Variants in SMAD6 observed in about 807,000 individuals in gnomAD.
SMAD6 encodes the protein SMAD family member 6.
SMAD6 carries 103 observed loss-of-function variants against 39.4 expected under a neutral mutation model. The observed-to-expected ratio is 2.62, with a 90% confidence interval of 2.23 to 3.08. The LOEUF is 3.08. SMAD6 is among the 30% of genes most tolerant of loss of function. The pLI is 0.00. For missense variants in SMAD6, 1,104 were observed against 742.9 expected (o/e 1.49, Z -5.65); for synonymous variants, 445 against 353.3 (o/e 1.26, Z -2.91).
In SMAD6 at chr15:66,747,821, G is replaced by T. The variant is rs16950189; in HGVS notation, c.952+31323G>T. 7.5e-3 allele frequency among the ~76,000 whole-genome samples: 1,144 copies of T among 152,242 alleles called. 25 individuals carry two copies. The East Asian group carries it at 0.077, about 10-fold the overall frequency. On this transcript the variant is annotated intron_variant, in intron 3 of 3. Transcript: ENST00000288840. The surrounding 1 kb of genome is among the most constrained non-coding windows in gnomAD (Gnocchi z 4.5). ...TTACTTATGCTCTGGCCACCATTTC[G>T]TCAGGACTGACAGCAGCCATCTGTC...
At chr15:66,742,989 G>A (rs779583475) in intron 3 of SMAD6, among the ~76,000 whole-genome samples, 7 of 152,088 alleles carry the variant, frequency 4.6e-5, no homozygotes, top group Non-Finnish European at 8.8e-5. Flanking sequence ...GTGGTGGTCC[G>A]TGCCCTGACC....
intron 3 of SMAD6, among the ~76,000 whole-genome samples, chr15:66,739,790 T>A (rs1893780762): frequency 6.6e-6 from 1 of 152,196 alleles, no homozygotes; most frequent in African/African-American, 2.4e-5. Context: ...GTATTCTGTT[T>A]AAATTAAAAG....
At chr15:66,721,510 G>A (rs1160806487) in intron 3 of SMAD6, among the ~76,000 whole-genome samples, 1 of 152,238 alleles carries the variant, frequency 6.6e-6, no homozygotes, top group Non-Finnish European at 1.5e-5. Flanking sequence ...AAGAGCATGG[G>A]CTCTGCACCA....
At chr15:66,748,786 C>A (rs143245891) in intron 3 of SMAD6, among the ~76,000 whole-genome samples, 51 of 152,168 alleles carry the variant, frequency 3.4e-4, no homozygotes, top group Middle Eastern at 3.4e-3. Context: ...GGAGACTCGA[C>A]GGGAGTTTCC....
Position 66,703,291 on chromosome 15 carries a change from GCGA to G in SMAD6, c.35_37del (p.Arg12del). 2.0e-6 allele frequency: 3 copies of G among 1,491,186 alleles called. No individual in the cohort carries two copies. Among genetic ancestry groups the G allele is most frequent in the Non-Finnish European group, 2.7e-6 (3 of 1,120,116 alleles). The allele number at this position is 1,491,186 out of a possible 1,614,324, so 92.4% of individuals were successfully genotyped here. A position where few individuals can be genotyped will look rare whatever the true frequency, so the allele number is the denominator to read the frequency against. ...GGTCCAAACGCTCGGGGCTGGTGCG[GCGA>G]CTTTGGCGAAGTCGTGTGGTCCCCG... is the stretch of plus-strand genomic sequence containing the variant. On this transcript the variant is annotated inframe_deletion, in exon 1 of 4. Coordinates refer to ENST00000288840, the MANE Select transcript of SMAD6 (RefSeq NM_005585.5).
chr15:66,718,460 A>G (rs997205846), intron 3 of SMAD6, among the ~76,000 whole-genome samples: 1 of 152,202 alleles, frequency 6.6e-6, no homozygotes, highest in African/African-American at 2.4e-5. Flanking sequence ...ACTGTGTTGG[A>G]AAATGTGTCC....
At chr15:66,705,795 G>A (rs1313086322) in intron 1 of SMAD6, 3 of 152,862 alleles carry the variant, frequency 2.0e-5, no homozygotes, top group Non-Finnish European at 4.4e-5. Context: ...GAAGGGAAGT[G>A]TGCAGGGCCA....
rs762926659 is a variant in SMAD6 at position 66,781,555 on chromosome 15, G to A, written c.*20G>A. ...AGATAGTGGCGGCCCCGGCGGGAGGGGCGGGTGGGAGGCCGCGGCCACCGC... is the reference window on the plus strand; with the variant it reads ...AGATAGTGGCGGCCCCGGCGGGAGGAGCGGGTGGGAGGCCGCGGCCACCGC... On this transcript the variant is annotated 3_prime_UTR_variant, in exon 4 of 4. Coordinates refer to ENST00000288840, the MANE Select transcript of SMAD6 (RefSeq NM_005585.5). The A allele has an allele frequency of 3.4e-6, 5 of 1,482,208 alleles. No homozygotes were observed. Among genetic ancestry groups the A allele is most frequent in the Non-Finnish European group, 4.5e-6 (5 of 1,123,268 alleles). The allele number at this position is 1,482,208 out of a possible 1,614,324, so 91.8% of individuals were successfully genotyped here. A position where few individuals can be genotyped will look rare whatever the true frequency, so the allele number is the denominator to read the frequency against.
intron 3 of SMAD6, among the ~76,000 whole-genome samples, chr15:66,761,246 GA>G (rs1894193215): frequency 6.6e-6 from 1 of 152,130 alleles, no homozygotes; most frequent in Non-Finnish European, 1.5e-5. Context: ...CCCAGCCTCA[GA>G]ATCTCTAGCA....
chr15:66,737,195 C>T (rs1049407734), intron 3 of SMAD6, among the ~76,000 whole-genome samples: 1 of 152,236 alleles, frequency 6.6e-6, no homozygotes, highest in East Asian at 1.9e-4. Context: ...CACACAGGCT[C>T]TGCCCCAAAC....
intron 3 of SMAD6, among the ~76,000 whole-genome samples, chr15:66,739,472 C>T (rs534691940): frequency 1.3e-5 from 2 of 152,328 alleles, no homozygotes; most frequent in South Asian, 4.1e-4. Context: ...TCAAGAGCCA[C>T]TCAGGGACTG....
chr15:66,749,931 G>A (rs1014015505), intron 3 of SMAD6, among the ~76,000 whole-genome samples: 1 of 152,220 alleles, frequency 6.6e-6, no homozygotes, highest in Non-Finnish European at 1.5e-5. Flanking sequence ...TCTGAAGAGA[G>A]AAAGGGAAAA....
At chr15:66,743,981 A>G (rs944784443) in intron 3 of SMAD6, among the ~76,000 whole-genome samples, 2 of 152,158 alleles carry the variant, frequency 1.3e-5, no homozygotes, top group Admixed American at 6.5e-5. Flanking sequence ...ATCATAAAAC[A>G]TTGCCGCTTG....
In SMAD6 at chr15:66,747,996, C is replaced by G. The variant is rs1394988116; in HGVS notation, c.952+31498C>G. ...AGCCACCCCCACGCCCTAACTTGCC[C>G]CATTGTAGCCAGACCACTCCTTCCA... On this transcript the variant is annotated intron_variant, in intron 3 of 3. Transcript: ENST00000288840. The surrounding 1 kb of genome is among the most constrained non-coding windows in gnomAD (Gnocchi z 4.5). Among the ~76,000 whole-genome samples, 2 of 152,168 alleles carry G rather than the reference C, an allele frequency of 1.3e-5. No homozygotes were observed. The highest frequency in any genetic ancestry group is 2.4e-5 in the African/African-American group (1 of 41,432).
In SMAD6 at chr15:66,703,997, T is replaced by C; in HGVS notation, c.739T>C (p.Cys247Arg). The C allele has an allele frequency of 6.7e-7, 1 of 1,489,034 alleles. No individual in the cohort carries two copies. Among genetic ancestry groups the C allele is most frequent in the African/African-American group, 1.4e-5 (1 of 69,018 alleles). The allele number at this position is 1,489,034 out of a possible 1,614,324, so 92.2% of individuals were successfully genotyped here. Residue 247 changes from cysteine (C) to arginine (R), a missense_variant, in exon 1 of 4, where the codon TGC becomes CGC. Transcript: ENST00000288840. ...CGTGGAGCTGAAGCCCCTGTGCGGC[T>C]GCCACAGCTTCGCCGCCGCCGCCGA... Reference protein sequence around the residue: ...HAVELKPLCGCHSFAAAADGP... With the variant: ...HAVELKPLCGRHSFAAAADGP...
intron 3 of SMAD6, among the ~76,000 whole-genome samples, chr15:66,744,058 T>C (rs1363924407): frequency 6.6e-6 from 1 of 152,134 alleles, no homozygotes; most frequent in Non-Finnish European, 1.5e-5. Flanking sequence ...AGAAGTGGGA[T>C]TGCCAGGTCA....
At chr15:66,771,625 C>T (rs1329481103) in intron 3 of SMAD6, among the ~76,000 whole-genome samples, 1 of 152,174 alleles carries the variant, frequency 6.6e-6, no homozygotes, top group Non-Finnish European at 1.5e-5. Flanking sequence ...GCTAAGGGAG[C>T]ATATGAGGCA....
chr15:66,728,337 T>C (rs1307909167), intron 3 of SMAD6, among the ~76,000 whole-genome samples: 1 of 152,236 alleles, frequency 6.6e-6, no homozygotes, highest in Non-Finnish European at 1.5e-5. Flanking sequence ...GAGGCATACC[T>C]TGTTGGCTTT....
chr15:66,756,840 A>T (rs1335675143), intron 3 of SMAD6, among the ~76,000 whole-genome samples: 1 of 152,232 alleles, frequency 6.6e-6, no homozygotes, highest in East Asian at 1.9e-4. Context: ...GGAGGATGGG[A>T]GGGAGATGCT....
Sources: gnomAD v4.1 joint callset for allele counts (sites outside exome capture counted in the v4.1 genomes callset) on GRCh38, gnomAD v4.1.1 for gene constraint, Gnocchi (gnomAD v3.1) non-coding constraint, MANE v1.5 for transcripts, NCBI Gene and HGNC (gene_info 2026-07-23, HGNC 2026-07-21) for gene names.